PDE8B: variants seen among roughly 807,000 people sequenced by gnomAD.
PDE8B encodes phosphodiesterase 8B.
A neutral mutation model predicts 101.3 loss-of-function variants in PDE8B; 26 were observed. The ratio of observed to expected loss-of-function variants is 0.26; its 90% CI spans 0.19 to 0.36. The LOEUF (loss-of-function observed/expected upper bound fraction) is 0.36, where lower values mean the gene tolerates loss of function less well. PDE8B is among the 10% of genes least tolerant of loss of function. The pLI is 1.00. For missense variants in PDE8B, 810 were observed against 1,163.1 expected (o/e 0.70, Z 4.42); for synonymous variants, 424 against 429.3 (o/e 0.99, Z 0.15).
chr5:77,234,406 G>A (rs1328762612), intron 1 of PDE8B, among the ~76,000 whole-genome samples: 1 of 152,162 alleles, frequency 6.6e-6, no homozygotes, highest in Non-Finnish European at 1.5e-5. Context: ...GCTTCAGGGT[G>A]AGAGAAGGGG....
chr5:77,125,145 G>T, the PDE8B span, among the ~76,000 whole-genome samples: 12 of 152,186 alleles, frequency 7.9e-5, no homozygotes, highest in Non-Finnish European at 1.8e-4. Flanking sequence ...GGCATGCACC[G>T]CCATGCCAGC....
intron 12 of PDE8B, 116 bp downstream of exon 12, chr5:77,404,913 C>T: frequency 2.9e-6 from 2 of 699,856 alleles, no homozygotes; most frequent in Non-Finnish European, 5.2e-6. Context: ...ACAACACCGA[C>T]TTATTTTTCA....
chr5:77,348,741 G>A (rs372963677), intron 7 of PDE8B, among the ~76,000 whole-genome samples: 3 of 152,138 alleles, frequency 2.0e-5, no homozygotes, highest in African/African-American at 7.2e-5. Flanking sequence ...GGAGTGCAAC[G>A]GTGCAATCAT....
rs1561429122 is a variant in PDE8B, at chr5:77,259,087, A to ACCC, written c.339+47824_339+47825insCCC. Among the ~76,000 whole-genome samples the ACCC allele has an allele frequency of 2.3e-3, 84 of 36,110 alleles. 3 individuals are homozygous for ACCC. The highest frequency in any genetic ancestry group is 3.7e-3 in the Non-Finnish European group (68 of 18,328). The allele number at this position is 36,110 out of a possible 152,430, so 23.7% of individuals were successfully genotyped here. On this transcript the variant is annotated intron_variant, in intron 1 of 21. Coordinates refer to ENST00000264917, the MANE Select transcript of PDE8B (RefSeq NM_003719.5). ...ACACACACCCCCGCCCCCCCCCCAC[A>ACCC]CACACACACGAATGTTTCTGCCTCT... is the stretch of plus-strand genomic sequence containing the variant.
the PDE8B span, among the ~76,000 whole-genome samples, chr5:77,097,707 CTATATATATA>C: frequency 3.3e-4 from 7 of 20,944 alleles, no homozygotes; most frequent in South Asian, 2.1e-3. Flanking sequence ...ATATATATAT[CTATATATATA>C]TATATATATA....
intron 1 of PDE8B, among the ~76,000 whole-genome samples, chr5:77,269,686 T>C (rs1762413308): frequency 6.6e-6 from 1 of 152,242 alleles, no homozygotes. Context: ...TCCATTCTTC[T>C]GTATATGGAT....
At chr5:77,277,902 C>A (rs913967507) in intron 1 of PDE8B, among the ~76,000 whole-genome samples, 4 of 152,208 alleles carry the variant, frequency 2.6e-5, no homozygotes, top group Non-Finnish European at 1.5e-5. Context: ...CCTTCATTTG[C>A]AAAGTAAACT....
At chr5:77,221,342 C>T (rs1751059271) in intron 1 of PDE8B, among the ~76,000 whole-genome samples, 1 of 152,044 alleles carries the variant, frequency 6.6e-6, no homozygotes, top group Admixed American at 6.6e-5. Context: ...GTAGATTTTC[C>T]CCCAATCTAA....
intron 10 of PDE8B, among the ~76,000 whole-genome samples, chr5:77,390,753 C>T (rs374014517): frequency 1.3e-5 from 2 of 152,304 alleles, no homozygotes; most frequent in South Asian, 2.1e-4. Context: ...TTAACAAGCC[C>T]GGTCCTGGCA....
chr5:77,098,618 TA>T, the PDE8B span: 1 of 152,144 alleles, frequency 6.6e-6, no homozygotes. Context: ...TTGTTTAACT[TA>T]ACATTGTCTT....
chr5:77,301,718 A>G (rs1769985684), intron 1 of PDE8B, among the ~76,000 whole-genome samples: 1 of 152,224 alleles, frequency 6.6e-6, no homozygotes, highest in Non-Finnish European at 1.5e-5. Context: ...TCTCCCAGTC[A>G]GACCCTGCAT....
chr5:77,329,042 C>T lies in PDE8B; in HGVS notation c.635C>T (p.Ala212Val). ...CCCTCCGAGCACACGGTGATCCTCG[C>T]AGTGGTTTCGCGAGTGTAAGTGCAC... ...TNPSEHTVIL[A>V]VVSRVSDDHE... The change falls in exon 4 of 22, where the codon GCA becomes GTA. Residue 212 changes from alanine to valine, a missense_variant. By Grantham distance (64) the Ala-to-Val change is moderately conservative. Transcript: ENST00000264917. 1 of 1,613,826 alleles carries T rather than the reference C, an allele frequency of 6.2e-7. No homozygotes were observed. Among genetic ancestry groups the T allele is most frequent in the Non-Finnish European group, 8.5e-7 (1 of 1,179,742 alleles).
At chr5:77,238,905 A>G (rs1406441761) in intron 1 of PDE8B, among the ~76,000 whole-genome samples, 3 of 152,226 alleles carry the variant, frequency 2.0e-5, no homozygotes, top group Non-Finnish European at 4.4e-5. Flanking sequence ...TCAGGCCTTC[A>G]ACAGATTGTA....
rs553238971 is a variant in PDE8B at position 77,308,346 on chromosome 5, A to C, written c.340-3648A>C. 3.4e-3 allele frequency among the ~76,000 whole-genome samples: 524 copies of C among 152,336 alleles called. 10 individuals carry two copies. The highest frequency in any genetic ancestry group is 1.1e-3 in the Non-Finnish European group (75 of 68,028). The stretch of plus-strand genomic sequence containing the variant: ...GGTAAACTGAGGCACCCACGCCGGT[A>C]GTGCAGGTAGAGTGACAACACGTGG... On this transcript the variant is annotated intron_variant, in intron 1 of 21. Coordinates refer to ENST00000264917, the MANE Select transcript of PDE8B (RefSeq NM_003719.5).
chr5:77,265,404 C>T (rs1761490297), intron 1 of PDE8B, among the ~76,000 whole-genome samples: 1 of 152,100 alleles, frequency 6.6e-6, no homozygotes, highest in Admixed American at 6.6e-5. Context: ...TTTTATTGTT[C>T]AGCCACAATC....
At chr5:77,195,937 C>T in the PDE8B span, among the ~76,000 whole-genome samples, 1 of 152,072 alleles carries the variant, frequency 6.6e-6, no homozygotes, top group South Asian at 2.1e-4. Flanking sequence ...GTAAGTGGAC[C>T]CACAAAGTTG....
At chr5:77,278,683 A>G (rs1218001586) in intron 1 of PDE8B, among the ~76,000 whole-genome samples, 1 of 152,004 alleles carries the variant, frequency 6.6e-6, no homozygotes, top group African/African-American at 2.4e-5. Context: ...GTTAGCCAGG[A>G]TGGTCTCGAT....
intron 4 of PDE8B, among the ~76,000 whole-genome samples, chr5:77,330,927 G>C (rs1197717583): frequency 6.6e-6 from 1 of 152,180 alleles, no homozygotes; most frequent in Admixed American, 6.5e-5. Flanking sequence ...TGTTCCTGCT[G>C]ATACTTCTCT....
At chr5:77,201,540 G>A in the PDE8B span, among the ~76,000 whole-genome samples, 3 of 152,164 alleles carry the variant, frequency 2.0e-5, no homozygotes, top group African/African-American at 7.2e-5. Context: ...CTGGGTCCCA[G>A]AAAGTGCAAA....
Sources: allele counts gnomAD v4.1 joint callset (sites outside exome capture counted in the v4.1 genomes callset), GRCh38; gene constraint gnomAD v4.1.1; transcripts MANE v1.5; gene names NCBI Gene and HGNC (gene_info 2026-07-23, HGNC 2026-07-21).